Variants in ARNT2 observed in about 807,000 individuals in gnomAD.
ARNT2 encodes the protein aryl hydrocarbon receptor nuclear translocator 2.
ARNT2 carries 36 observed loss-of-function variants against 91.7 expected under a neutral mutation model. The ratio of observed to expected loss-of-function variants is 0.39; its 90% CI spans 0.30 to 0.52. The LOEUF is 0.52. ARNT2 is among the 20% of genes least tolerant of loss of function. The probability of loss-of-function intolerance (pLI) is 0.72; values close to 1 mark genes in which losing one functional copy is unlikely to be tolerated. For missense variants in ARNT2, 775 were observed against 939.3 expected (o/e 0.83, Z 2.29); for synonymous variants, 365 against 347.1 (o/e 1.05, Z -0.57).
In ARNT2 at chr15:80,524,599, G is replaced by A. The variant is rs533976032; in HGVS notation, c.877+10194G>A. Among the ~76,000 whole-genome samples the A allele has an allele frequency of 7.2e-5, 11 of 152,192 alleles. No homozygotes were observed. The East Asian group carries it at 1.7e-3, about 24-fold the overall frequency. ...GCTATGTAAGAACAAAGTGCTGGCC[G>A]GGCGCAGTGGCTCACACCTGTAATC... On this transcript the variant is annotated intron_variant, in intron 8 of 18. Transcript: ENST00000303329.
rs79924286 is a variant in ARNT2, at chr15:80,552,291, G to T, written c.955-349G>T. Among the ~76,000 whole-genome samples the T allele has an allele frequency of 2.6e-5, 4 of 152,302 alleles. No homozygotes were observed. The East Asian group carries it at 7.7e-4, about 29-fold the overall frequency. On this transcript the variant is annotated intron_variant, in intron 9 of 18. Coordinates refer to ENST00000303329, the MANE Select transcript of ARNT2 (RefSeq NM_014862.4). ...TTGCCATCCTTAGTAAAGGGAAGGT[G>T]GGGGAAGAGAAGGGGATTAACATTT...
chr15:80,540,907 C>T (rs1366068589), intron 8 of ARNT2, among the ~76,000 whole-genome samples: 2 of 152,070 alleles, frequency 1.3e-5, no homozygotes, highest in African/African-American at 2.4e-5. Context: ...TAGATGGGCA[C>T]CTAGATTGAT....
intron 5 of ARNT2, among the ~76,000 whole-genome samples, chr15:80,491,271 C>A (rs1045762808): frequency 1.3e-5 from 2 of 152,106 alleles, no homozygotes; most frequent in Admixed American, 6.5e-5. Context: ...GCTGGGGAGG[C>A]CTCACAATCA....
At chr15:80,475,314 G>C in intron 5 of ARNT2, 91 bp downstream of exon 5, 1 of 1,337,752 alleles carries the variant, frequency 7.5e-7, no homozygotes. Context: ...CAGTACTTTG[G>C]GAGGCTGAGG....
At chr15:80,410,768 C>T (rs1895669396) in intron 1 of ARNT2, among the ~76,000 whole-genome samples, 1 of 51,884 alleles carries the variant, frequency 1.9e-5, no homozygotes, top group African/African-American at 6.2e-5. Context: ...ATCTATCTAT[C>T]TATCTATCTA....
rs753568500 is a variant in ARNT2, at chr15:80,581,364, G to T, written c.1878G>T (p.Gly626=). ...GCCCAGCTACCTCCTCGCCAAGTGG[G>T]AATGCCTACTCCAGTCTTGCCAACA... The part of the protein sequence containing the change: ...LSSPATSSPS[G]NAYSSLANRT... The change falls in exon 17 of 19, where the codon GGG becomes GGT. Residue 626 remains glycine (G), a synonymous_variant. Transcript: ENST00000303329. 11 of 1,614,044 alleles carry T rather than the reference G, an allele frequency of 6.8e-6. No homozygotes were observed. The Admixed American group carries it at 8.3e-5, about 12-fold the overall frequency.
intron 3 of ARNT2, among the ~76,000 whole-genome samples, chr15:80,461,461 G>A (rs1404738347): frequency 6.6e-6 from 1 of 152,230 alleles, no homozygotes; most frequent in Non-Finnish European, 1.5e-5. Flanking sequence ...GTAGCAATGC[G>A]GTCAAAGAAT....
chr15:80,497,473 T>C (rs777957358), intron 5 of ARNT2, among the ~76,000 whole-genome samples: 2 of 152,236 alleles, frequency 1.3e-5, no homozygotes, highest in African/African-American at 4.8e-5. Context: ...TGCCAACAAC[T>C]GGAATGATCT....
intron 1 of ARNT2, among the ~76,000 whole-genome samples, chr15:80,421,980 G>A (rs149185821): frequency 3.9e-5 from 6 of 152,304 alleles, no homozygotes; most frequent in African/African-American, 1.4e-4. Flanking sequence ...CAGATGAATA[G>A]AGAATTAATG....
chr15:80,584,169 G>A (rs556242684), intron 17 of ARNT2, among the ~76,000 whole-genome samples: 96 of 152,310 alleles, frequency 6.3e-4, no homozygotes, highest in Non-Finnish European at 1.1e-3. Context: ...ACCTCGAGGC[G>A]AGGGGTTGCT....
intron 8 of ARNT2, among the ~76,000 whole-genome samples, chr15:80,531,712 T>C (rs1897743781): frequency 6.6e-6 from 1 of 152,234 alleles, no homozygotes; most frequent in African/African-American, 2.4e-5. Context: ...TCTCATTCAC[T>C]GCTAAACTCC....
chr15:80,507,626 G>A (rs917077455), intron 5 of ARNT2, among the ~76,000 whole-genome samples: 5 of 152,158 alleles, frequency 3.3e-5, no homozygotes, highest in African/African-American at 1.2e-4. Context: ...AATTGCATAG[G>A]GAACATGTAC....
rs905391964 is a variant in ARNT2 at position 80,555,054 on chromosome 15, C to T, written c.1090-11C>T. 6.2e-7 allele frequency: 1 copy of T among 1,613,162 alleles called. No individual in the cohort carries two copies. Among genetic ancestry groups the T allele is most frequent in the African/African-American group, 1.3e-5 (1 of 75,014 alleles). ...GATCTGGGATTATTAAAGCTTGTCTCTTTTATTTAGGATCTTCTGGGAAAG... is the reference window on the plus strand; with the variant it reads ...GATCTGGGATTATTAAAGCTTGTCTTTTTTATTTAGGATCTTCTGGGAAAG... On this transcript the variant is annotated splice_polypyrimidine_tract_variant and intron_variant, in intron 10 of 18. Coordinates refer to ENST00000303329, the MANE Select transcript of ARNT2 (RefSeq NM_014862.4).
intron 8 of ARNT2, among the ~76,000 whole-genome samples, chr15:80,536,200 AAGG>A (rs1364490344): frequency 5.9e-5 from 9 of 152,216 alleles, no homozygotes; most frequent in Non-Finnish European, 1.3e-4. Flanking sequence ...AAGAAAGAGA[AAGG>A]AGAACAGTTC....
At chr15:80,498,121 G>A (rs1312688448) in intron 5 of ARNT2, among the ~76,000 whole-genome samples, 1 of 152,154 alleles carries the variant, frequency 6.6e-6, no homozygotes, top group Admixed American at 6.5e-5. Flanking sequence ...CTACCTGAGG[G>A]TTAACTCCCT....
At chr15:80,576,714 G>A in intron 14 of ARNT2, 152 bp from the exon 15 acceptor site, 1 of 748,808 alleles carries the variant, frequency 1.3e-6, no homozygotes, top group Admixed American at 2.2e-5. Flanking sequence ...AGGAGGCAGA[G>A]GCAAGGCTGA....
chr15:80,525,442 C>CT (rs955737555), intron 8 of ARNT2, among the ~76,000 whole-genome samples: 2 of 151,994 alleles, frequency 1.3e-5, no homozygotes, highest in African/African-American at 4.8e-5. Flanking sequence ...AAGAGGCATG[C>CT]TTTGTTCATC....
At chr15:80,436,753 G>A (rs1317198103) in intron 1 of ARNT2, among the ~76,000 whole-genome samples, 4 of 152,160 alleles carry the variant, frequency 2.6e-5, no homozygotes, top group South Asian at 4.1e-4. Flanking sequence ...GGATTTTAAC[G>A]TCTCTGCATG....
At chr15:80,543,121 A>T (rs1373323165) in intron 8 of ARNT2, among the ~76,000 whole-genome samples, 1 of 144,412 alleles carries the variant, frequency 6.9e-6, no homozygotes, top group Non-Finnish European at 1.5e-5. Context: ...AAAAAAAAAA[A>T]GAAAAGTGCG....
Sources: gnomAD v4.1 joint callset for allele counts (sites outside exome capture counted in the v4.1 genomes callset) on GRCh38, gnomAD v4.1.1 for gene constraint, MANE v1.5 for transcripts, NCBI Gene and HGNC (gene_info 2026-07-23, HGNC 2026-07-21) for gene names.